ZNF782: variants seen among roughly 807,000 people sequenced by gnomAD.
ZNF782 encodes the protein zinc finger protein 782.
A neutral mutation model predicts 13.0 loss-of-function variants in ZNF782; 12 were observed. The ratio of observed to expected loss-of-function variants is 0.92; its 90% CI spans 0.59 to 1.50. The LOEUF is 1.50. Ranked by LOEUF, ZNF782 falls within the 40% of genes most tolerant of loss-of-function variation. The pLI, the probability that ZNF782 is intolerant of heterozygous loss-of-function variation, is 0.00. For synonymous variants in ZNF782, 284 were observed against 283.0 expected, an observed-to-expected ratio of 1.00 and a Z score of -0.04; for missense variants, 770 against 822.9, an observed-to-expected ratio of 0.94 and a Z score of 0.79.
chr9:96,861,164 C>T (rs1310853119), intron 2 of ZNF782, among the ~76,000 whole-genome samples: 2 of 152,116 alleles, frequency 1.3e-5, no homozygotes, highest in African/African-American at 4.8e-5. Flanking sequence ...GGAAAACTCT[C>T]CAGGATATTG....
chr9:96,838,751 T>A (rs528139264), intron 4 of ZNF782, among the ~76,000 whole-genome samples: 1 of 151,422 alleles, frequency 6.6e-6, no homozygotes, highest in South Asian at 2.1e-4. Flanking sequence ...GTCTTGCTCT[T>A]GTTGCCCAGG....
At chr9:96,925,076 G>A in the ZNF782 span, among the ~76,000 whole-genome samples, 1 of 152,184 alleles carries the variant, frequency 6.6e-6, no homozygotes, top group Non-Finnish European at 1.5e-5. Context: ...AGCTAAGGCC[G>A]TTGGGTAACC....
At chr9:96,862,115 C>T (rs1315147471) in intron 1 of ZNF782, among the ~76,000 whole-genome samples, 1 of 152,108 alleles carries the variant, frequency 6.6e-6, no homozygotes, top group African/African-American at 2.4e-5. Context: ...TTTGCAGCAA[C>T]ATGGATGGAA....
At chr9:96,833,479 G>C (rs1057108048) in intron 4 of ZNF782, among the ~76,000 whole-genome samples, 7 of 152,154 alleles carry the variant, frequency 4.6e-5, no homozygotes, top group Non-Finnish European at 1.0e-4. Context: ...TGGTTTATCT[G>C]ATGTTTTCCT....
intron 2 of ZNF782, among the ~76,000 whole-genome samples, chr9:96,860,982 C>A (rs1851696313): frequency 6.6e-6 from 1 of 152,226 alleles, no homozygotes; most frequent in South Asian, 2.1e-4. Context: ...TGCAGAGGCT[C>A]ACGCCTGTAA....
At chr9:96,826,999 A>G (rs1850643832) in intron 5 of ZNF782, 81 bp downstream of exon 5, 1 of 874,754 alleles carries the variant, frequency 1.1e-6, no homozygotes, top group Non-Finnish European at 1.7e-6. Context: ...AATTTTAACC[A>G]TTATTATGAC....
At chr9:96,885,456 AAAAG>A in the ZNF782 span, among the ~76,000 whole-genome samples, 1 of 152,190 alleles carries the variant, frequency 6.6e-6, no homozygotes, top group Non-Finnish European at 1.5e-5. Context: ...GCAGCAGAAA[AAAAG>A]GTAAGAAAAG....
chr9:96,916,241 C>A, the ZNF782 span, among the ~76,000 whole-genome samples: 3 of 151,918 alleles, frequency 2.0e-5, no homozygotes, highest in African/African-American at 7.2e-5. Context: ...CCTGTAATCC[C>A]AGCACTTTGG....
At chr9:96,900,737 GT>G in the ZNF782 span, among the ~76,000 whole-genome samples, 1 of 152,292 alleles carries the variant, frequency 6.6e-6, no homozygotes, top group Non-Finnish European at 1.5e-5. Flanking sequence ...GCAAAACTCT[GT>G]CTCAAACAAA....
At chr9:96,926,613 CCATT>C in the ZNF782 span, among the ~76,000 whole-genome samples, 1 of 151,322 alleles carries the variant, frequency 6.6e-6, no homozygotes, top group Non-Finnish European at 1.5e-5. Context: ...GCTCGCTGGA[CCATT>C]CAGTTTTAGA....
chr9:96,827,190 G>A lies in ZNF782; in HGVS notation c.143-9C>T. 2.5e-6 allele frequency: 4 copies of A among 1,590,504 alleles called. No individual in the cohort carries two copies. In the South Asian group the frequency reaches 4.5e-5, roughly 18 times the overall value. On this transcript the variant is annotated splice_polypyrimidine_tract_variant and intron_variant, in intron 4 of 5. Coordinates refer to ENST00000481138, the MANE Select transcript of ZNF782 (RefSeq NM_001001662.3). ...TTTTGTAAAGCAGTAGCCTATAAAT[G>A]GGAAACAATTTAGCATTTGCATTAG...
At chr9:96,926,526 G>C in the ZNF782 span, among the ~76,000 whole-genome samples, 1 of 151,906 alleles carries the variant, frequency 6.6e-6, no homozygotes, top group Admixed American at 6.6e-5. Context: ...AAAAGGCCTG[G>C]GAGCATCCAG....
upstream of ZNF782, among the ~76,000 whole-genome samples, chr9:96,876,871 T>G (rs1016911293): frequency 3.5e-4 from 42 of 120,944 alleles, no homozygotes; most frequent in African/African-American, 1.3e-3. Flanking sequence ...CGGGGTGTGG[T>G]GGCGGGCGCC....
chr9:96,875,640 AG>A (rs925411567), upstream of ZNF782: 32 of 454,968 alleles, frequency 7.0e-5, no homozygotes, highest in African/African-American at 6.0e-4. Context: ...CTGTTCCTAA[AG>A]GGGGCGCAGC....
chr9:96,832,371 A>G (rs902982039), intron 4 of ZNF782, among the ~76,000 whole-genome samples: 1 of 152,226 alleles, frequency 6.6e-6, no homozygotes, highest in Non-Finnish European at 1.5e-5. Flanking sequence ...ACCATCAAAC[A>G]AAATTAGAAA....
chr9:96,863,398 CTT>C (rs2118866039), intron 1 of ZNF782, among the ~76,000 whole-genome samples: 1 of 151,774 alleles, frequency 6.6e-6, no homozygotes, highest in African/African-American at 2.4e-5. Flanking sequence ...AAAGGGAACA[CTT>C]TTACACTGCT....
chr9:96,831,846 G>A (rs1032274698), intron 4 of ZNF782, among the ~76,000 whole-genome samples: 1 of 151,784 alleles, frequency 6.6e-6, no homozygotes. Flanking sequence ...TATGATTAAT[G>A]TTCCATGGTA....
At chr9:96,839,435 G>A (rs541618858) in intron 4 of ZNF782, among the ~76,000 whole-genome samples, 47 of 152,038 alleles carry the variant, frequency 3.1e-4, no homozygotes, top group Non-Finnish European at 5.7e-4. Context: ...TATGTGTTTT[G>A]TATATAATGT....
At chr9:96,846,799 C>T (rs530813908) in intron 3 of ZNF782, among the ~76,000 whole-genome samples, 1 of 152,220 alleles carries the variant, frequency 6.6e-6, no homozygotes, top group East Asian at 1.9e-4. Context: ...AGAAAGCCAA[C>T]AAAGAAACAA....
Sources: gnomAD v4.1 joint callset for allele counts (sites outside exome capture counted in the v4.1 genomes callset) on GRCh38, gnomAD v4.1.1 for gene constraint, MANE v1.5 for transcripts, NCBI Gene and HGNC (gene_info 2026-07-23, HGNC 2026-07-21) for gene names.